The following PLEKHB1 variants were observed in gnomAD, a reference collection of about 807,000 sequenced individuals.
PLEKHB1 encodes pleckstrin homology domain containing B1.
A neutral mutation model predicts 36.2 loss-of-function variants in PLEKHB1; 29 were observed. That is an observed-to-expected ratio of 0.80 (90% CI 0.60 to 1.09). The LOEUF (loss-of-function observed/expected upper bound fraction) is 1.09, where lower values mean the gene tolerates loss of function less well. PLEKHB1 is among the 50% of genes least tolerant of loss of function. The pLI is 0.00. For missense variants in PLEKHB1, 330 were observed against 348.2 expected, an observed-to-expected ratio of 0.95 and a Z score of 0.42; for synonymous variants, 138 against 140.0, an observed-to-expected ratio of 0.99 and a Z score of 0.10.
At chr11:73,652,950 T>C in intron 4 of PLEKHB1, 25 bp from the exon 5 acceptor site, 2 of 1,596,502 alleles carry the variant, frequency 1.3e-6, no homozygotes, top group African/African-American at 2.7e-5. Context: ...TCCCTCCTCA[T>C]GGTCTGGTGG....
rs1944828539 is a variant in PLEKHB1 at position 73,649,016 on chromosome 11, C to CG, written c.24dup (p.Pro9AlafsTer2). 24 of 1,592,122 alleles carry CG rather than the reference C, an allele frequency of 1.5e-5. No homozygotes were observed. Among genetic ancestry groups the CG allele is most frequent in the Non-Finnish European group, 2.1e-5 (24 of 1,169,468 alleles). ...CTCCCGTGGCTCCTCTGACAGGTCC[C>CG]GCCTGACTCCGCTCTGGAAAGTCCT... On this transcript the variant is annotated frameshift_variant, in exon 2 of 8. Transcript: ENST00000354190. LOFTEE classifies it high-confidence loss of function.
At chr11:73,648,575 GA>G in intron 1 of PLEKHB1, 8 of 964,618 alleles carry the variant, frequency 8.3e-6, no homozygotes, top group Non-Finnish European at 9.9e-6. Flanking sequence ...CCACATTACA[GA>G]ATCCCAAGGT....
chr11:73,660,962 G>A (rs1945100644), intron 7 of PLEKHB1, 110 bp downstream of exon 7: 1 of 1,026,640 alleles, frequency 9.7e-7, no homozygotes, highest in Non-Finnish European at 1.5e-6. Context: ...TAGCGTGCAC[G>A]GATTTTCCCA....
chr11:73,660,842 G>GC lies in PLEKHB1; in HGVS notation c.588dup (p.Tyr197LeufsTer87), dbSNP rs1945096263. The GC allele has an allele frequency of 6.3e-7, 1 of 1,586,222 alleles. No individual in the cohort carries two copies. Among genetic ancestry groups the GC allele is most frequent in the Non-Finnish European group, 8.6e-7 (1 of 1,169,506 alleles). On this transcript the variant is annotated frameshift_variant, in exon 7 of 8. Transcript: ENST00000354190. LOFTEE classifies it high-confidence loss of function. ...CGTATGTCCGCAGCTACTACGGACC[G>GC]CCCTACGCAGGTAAGTCTCCAGCGT...
At chr11:73,657,013 T>C (rs1179796119) in intron 6 of PLEKHB1, among the ~76,000 whole-genome samples, 2 of 152,024 alleles carry the variant, frequency 1.3e-5, no homozygotes, top group Non-Finnish European at 2.9e-5. Flanking sequence ...TAGCAAGACA[T>C]GGTGTAATCT....
intron 1 of PLEKHB1, chr11:73,647,641 T>C (rs1373252263): frequency 3.0e-6 from 3 of 985,246 alleles, no homozygotes; most frequent in Non-Finnish European, 3.6e-6. Context: ...TGCCCCAGGC[T>C]CTCCGGGGCA....
rs766497372 is a variant in PLEKHB1 at position 73,650,613 on chromosome 11, G to C, written c.155G>C (p.Gly52Ala). The change falls in exon 3 of 8, where the codon GGA becomes GCA. Residue 52 changes from glycine to alanine, a missense_variant. Physicochemically the swap from Gly to Ala is moderately conservative, Grantham distance 60. Transcript: ENST00000354190. Reference sequence around the variant, plus strand: ...GCCCTGTGGCTGGACGGGACCCTGGGATACTACCACGATGAGACAGCGCAG... The same window carrying C: ...GCCCTGTGGCTGGACGGGACCCTGGCATACTACCACGATGAGACAGCGCAG... Reference protein sequence around the residue: ...WFALWLDGTLGYYHDETAQDE... With the variant: ...WFALWLDGTLAYYHDETAQDE... 6 of 1,613,346 alleles carry C rather than the reference G, an allele frequency of 3.7e-6. No individual in the cohort carries two copies. In the East Asian group the frequency reaches 1.1e-4, roughly 30 times the overall value.
intron 5 of PLEKHB1, among the ~76,000 whole-genome samples, chr11:73,654,706 A>G (rs1295277009): frequency 6.6e-6 from 1 of 152,230 alleles, no homozygotes; most frequent in East Asian, 1.9e-4. Context: ...GTGTGTGTGC[A>G]CAAGTGCTTA....
rs1401368943 is a variant in PLEKHB1, at chr11:73,649,070, G to C, written c.77G>C (p.Gly26Ala). 6.9e-6 allele frequency: 11 copies of C among 1,598,678 alleles called. No homozygotes were observed. Among genetic ancestry groups the C allele is most frequent in the Non-Finnish European group, 9.4e-6 (11 of 1,172,610 alleles). Residue 26 changes from glycine (G) to alanine (A), a missense_variant, in exon 2 of 8, where the codon GGC (glycine) becomes GCC (alanine). Gly to Ala is a moderately conservative substitution (Grantham distance 60). Transcript: ENST00000354190. ...PFEEMALVRG[G>A]WLWRQSSILR... Reference sequence around the variant, plus strand: ...GAAGAAATGGCCCTGGTGAGGGGCGGCTGGCTGTGGAGACAGAGTGAGTGA... The same window carrying C: ...GAAGAAATGGCCCTGGTGAGGGGCGCCTGGCTGTGGAGACAGAGTGAGTGA...
At chr11:73,654,635 G>A (rs995273299) in intron 5 of PLEKHB1, among the ~76,000 whole-genome samples, 9 of 152,184 alleles carry the variant, frequency 5.9e-5, no homozygotes, top group African/African-American at 2.2e-4. Flanking sequence ...GATTTTGAGA[G>A]GAGGGCGTTA....
At position 73,660,858 on chromosome 11, in the gene PLEKHB1, T is replaced by C. The variant is rs372106302; in HGVS notation, c.595+6T>C. 1 of 1,576,898 alleles carries C rather than the reference T, an allele frequency of 6.3e-7. No individual in the cohort carries two copies. Among genetic ancestry groups the C allele is most frequent in the South Asian group, 1.2e-5 (1 of 85,558 alleles). The stretch of plus-strand genomic sequence containing the variant: ...CTACGGACCGCCCTACGCAGGTAAG[T>C]CTCCAGCGTGCCCCGGGGCTTGCCT... On this transcript the variant is annotated splice_donor_region_variant and intron_variant, in intron 7 of 7. Coordinates refer to ENST00000354190, the MANE Select transcript of PLEKHB1 (RefSeq NM_021200.3).
intron 2 of PLEKHB1, among the ~76,000 whole-genome samples, chr11:73,649,504 T>C (rs1220025474): frequency 6.6e-6 from 1 of 152,180 alleles, no homozygotes; most frequent in Non-Finnish European, 1.5e-5. Context: ...GGGCTGGGTT[T>C]GACCCTCTGT....
intron 2 of PLEKHB1, 129 bp downstream of exon 2, chr11:73,649,216 C>T: frequency 8.3e-7 from 1 of 1,201,688 alleles, no homozygotes; most frequent in South Asian, 1.6e-5. Flanking sequence ...ATGCTCTTCC[C>T]TCTGCCTGAA....
intron 1 of PLEKHB1, chr11:73,647,702 C>T: frequency 1.0e-6 from 1 of 985,476 alleles, no homozygotes; most frequent in Non-Finnish European, 1.2e-6. Flanking sequence ...GAGTAGCGGC[C>T]GCTTAGGCAG....
chr11:73,661,513 G>C lies in PLEKHB1; in HGVS notation c.643G>C (p.Ala215Pro). Reference protein sequence around the residue: ...VIVREDPCYSAGAPLAMGMLA... With the variant: ...VIVREDPCYSPGAPLAMGMLA... ...AGTGCGGGAGGATCCCTGCTACAGCGCCGGCGCCCCTCTGGCCATGGGCAT... is the reference window on the plus strand; with the variant it reads ...AGTGCGGGAGGATCCCTGCTACAGCCCCGGCGCCCCTCTGGCCATGGGCAT... Residue 215 changes from alanine (A) to proline (P), a missense_variant, in exon 8 of 8, where the codon GCC (alanine) becomes CCC (proline). Coordinates refer to ENST00000354190, the MANE Select transcript of PLEKHB1 (RefSeq NM_021200.3). The surrounding 1 kb of genome is among the most constrained non-coding windows in gnomAD (Gnocchi z 4.6). 1.2e-6 allele frequency: 2 copies of C among 1,613,542 alleles called. No individual in the cohort carries two copies. Among genetic ancestry groups the C allele is most frequent in the Non-Finnish European group, 1.7e-6 (2 of 1,179,666 alleles).
At chr11:73,648,928 TG>T in intron 1 of PLEKHB1, 83 bp from the exon 2 acceptor site, 1 of 1,517,798 alleles carries the variant, frequency 6.6e-7, no homozygotes, top group Non-Finnish European at 8.8e-7. Flanking sequence ...GTTTCCTGGG[TG>T]GCTCCCCAGG....
At chr11:73,649,465 G>T (rs1944843516) in intron 2 of PLEKHB1, among the ~76,000 whole-genome samples, 2 of 152,056 alleles carry the variant, frequency 1.3e-5, no homozygotes, top group African/African-American at 2.4e-5. Flanking sequence ...CCCCAGACTG[G>T]CCCCAGTCTG....
At position 73,658,076 on chromosome 11, in the gene PLEKHB1, G is replaced by A. The variant is rs79515238; in HGVS notation, c.495+2169G>A. Among the ~76,000 whole-genome samples the A allele has an allele frequency of 1.2e-3, 181 of 152,290 alleles. 1 individual carries two copies. The East Asian group carries it at 0.014, about 12-fold the overall frequency. ...TCTCTGCCCTCAAAGGCATCTCCAA[G>A]TCTGATGGGAGAGACACAGGGAAAC... On this transcript the variant is annotated intron_variant, in intron 6 of 7. Transcript: ENST00000354190.
Position 73,655,805 on chromosome 11 carries a change from C to T in PLEKHB1, c.393C>T (p.Ala131=). The stretch of plus-strand genomic sequence containing the variant: ...TTGGGTTTCTGTGGCTTGAGCAGGC[C>T]CCAGCTGGAGCCACCGTCCCTCCCA... ...TALLEANSTP[A]PAGATVPPRS... The change falls in exon 6 of 8, where the codon GCC becomes GCT. Residue 131 remains alanine, a splice_region_variant and synonymous_variant. Transcript: ENST00000354190. The T allele has an allele frequency of 6.2e-7, 1 of 1,613,330 alleles. No homozygotes were observed. Among genetic ancestry groups the T allele is most frequent in the Non-Finnish European group, 8.5e-7 (1 of 1,179,780 alleles).
Sources: gnomAD v4.1 joint callset for allele counts (sites outside exome capture counted in the v4.1 genomes callset) on GRCh38, gnomAD v4.1.1 for gene constraint, Gnocchi (gnomAD v3.1) non-coding constraint, MANE v1.5 for transcripts, NCBI Gene and HGNC (gene_info 2026-07-23, HGNC 2026-07-21) for gene names.